Variants in EPG5 observed in about 807,000 individuals in gnomAD.
The protein encoded by EPG5 is ectopic P-granules 5 autophagy tethering factor, also known as ectopic P granules protein 5 homolog.
Under a neutral mutation model 302.7 loss-of-function variants are expected in EPG5, and 159 were observed. The observed-to-expected ratio is 0.53, with a 90% CI of 0.46 to 0.60. EPG5 has a LOEUF of 0.60. EPG5 is among the 20% of genes least tolerant of loss of function. The probability of loss-of-function intolerance (pLI) is 0.00; values close to 1 mark genes in which losing one functional copy is unlikely to be tolerated. For synonymous variants in EPG5, 1,158 were observed against 1,136.8 expected, an observed-to-expected ratio of 1.02 and a Z score of -0.37; for missense variants, 2,896 against 3,092.4, an observed-to-expected ratio of 0.94 and a Z score of 1.51.
At chr18:45,943,139 G>A (rs143118410) in intron 9 of EPG5, 22 bp downstream of exon 9, 9 of 1,611,636 alleles carry the variant, frequency 5.6e-6, no homozygotes, top group African/African-American at 4.0e-5. Context: ...AACAGAGAAG[G>A]GTAGAGCAAC....
the EPG5 span, among the ~76,000 whole-genome samples, chr18:45,829,529 G>T: frequency 2.0e-5 from 3 of 152,174 alleles, no homozygotes; most frequent in Non-Finnish European, 4.4e-5. Context: ...CATACCTACA[G>T]GTGAGGTCGA....
intron 1 of EPG5, among the ~76,000 whole-genome samples, chr18:45,964,022 T>C (rs2051199515): frequency 6.6e-6 from 1 of 152,208 alleles, no homozygotes; most frequent in Non-Finnish European, 1.5e-5. Flanking sequence ...TCAAGGATTT[T>C]TGGTTTGCCC....
intron 9 of EPG5, 111 bp from the exon 10 acceptor site, chr18:45,939,866 T>C: frequency 1.1e-6 from 1 of 948,102 alleles, no homozygotes; most frequent in Non-Finnish European, 1.6e-6. Context: ...GCACCTACTA[T>C]CCACCTACTA....
chr18:45,964,940 C>T (rs1011438427), intron 1 of EPG5, among the ~76,000 whole-genome samples: 1 of 152,080 alleles, frequency 6.6e-6, no homozygotes, highest in African/African-American at 2.4e-5. Context: ...GCAACAAAAG[C>T]GAAACTCTGT....
intron 36 of EPG5, 27 bp from the exon 37 acceptor site, chr18:45,867,775 C>G (rs2048777975): frequency 6.4e-7 from 1 of 1,564,958 alleles, no homozygotes; most frequent in African/African-American, 1.4e-5. Flanking sequence ...TAAAATCATT[C>G]TGTTGCCTTG....
chr18:45,815,559 AAAT>A, the EPG5 span, among the ~76,000 whole-genome samples: 1 of 152,168 alleles, frequency 6.6e-6, no homozygotes, highest in Non-Finnish European at 1.5e-5. Flanking sequence ...AAATAAAATA[AAAT>A]ACTTACGAAT....
At position 45,917,665 on chromosome 18, in the gene EPG5, T is replaced by G. The variant is rs746001421; in HGVS notation, c.3239+14A>C. 6 of 1,613,816 alleles carry G rather than the reference T, an allele frequency of 3.7e-6. No individual in the cohort carries two copies. The South Asian group carries it at 5.5e-5, about 15-fold the overall frequency. ...GTTTAAGAGTGTCTCCTGCCATAGATGGAACACACTTACTGCTCATTCTTC... is the reference window on the plus strand; with the variant it reads ...GTTTAAGAGTGTCTCCTGCCATAGAGGGAACACACTTACTGCTCATTCTTC... On this transcript the variant is annotated intron_variant, in intron 17 of 43. Transcript: ENST00000282041.
chr18:45,867,632 G>A lies in EPG5; in HGVS notation c.6342C>T (p.Arg2114=), dbSNP rs573778145. 1.9e-6 allele frequency: 3 copies of A among 1,614,094 alleles called. No homozygotes were observed. The African/African-American group carries it at 4.0e-5, about 22-fold the overall frequency. ...TGAAAAGGAGGCAGACAATCATGCT[G>A]CGGGTTTCTGGGTGGGGACTGGAAT... The part of the protein sequence containing the change: ...AWNSSPHPET[R]SMIVCLLFMM... The change falls in exon 37 of 44, where the codon CGC becomes CGT. Residue 2114 remains arginine (R), a synonymous_variant. Transcript: ENST00000282041.
intron 25 of EPG5, 137 bp from the exon 26 acceptor site, chr18:45,901,304 G>A (rs1312824355): frequency 4.1e-6 from 3 of 731,262 alleles, no homozygotes; most frequent in Admixed American, 2.9e-5. Context: ...TAAAGCTCAT[G>A]ATCTTAAATT....
chr18:45,917,983 T>C (rs1422808319), intron 16 of EPG5, among the ~76,000 whole-genome samples, 164 bp from the exon 17 acceptor site: 1 of 152,186 alleles, frequency 6.6e-6, no homozygotes, highest in Non-Finnish European at 1.5e-5. Flanking sequence ...AATTCTAGAA[T>C]TGCAAAGAAA....
chr18:45,882,295 T>A lies in EPG5; in HGVS notation c.5497A>T (p.Ile1833Phe). ...LYQFPDQYSD[I>F]LRLLMQSSAE... is the part of the protein sequence containing the mutation. ...TTACTTTGCATAAGCAGCCTGAGAA[T>A]GTCACTGTACTGGTCAGGAAACTGG... The change falls in exon 31 of 44, where the codon ATT (isoleucine) becomes TTT (phenylalanine). Residue 1833 changes from isoleucine to phenylalanine, a missense_variant. Physicochemically the swap from Ile to Phe is conservative, Grantham distance 21. Transcript: ENST00000282041. The A allele has an allele frequency of 6.2e-7, 1 of 1,614,102 alleles. No homozygotes were observed. The highest frequency in any genetic ancestry group is 8.5e-7 in the Non-Finnish European group (1 of 1,179,934).
the EPG5 span, chr18:45,829,220 G>A: frequency 2.7e-5 from 25 of 927,596 alleles, no homozygotes; most frequent in African/African-American, 3.6e-5. Flanking sequence ...GTCAGCCTGC[G>A]GCAGAGGCAT....
chr18:45,944,892 T>C (rs910802527), intron 7 of EPG5, among the ~76,000 whole-genome samples: 6 of 152,218 alleles, frequency 3.9e-5, no homozygotes, highest in African/African-American at 1.2e-4. Context: ...TAAAGTTCTG[T>C]TGTCAATTAC....
Position 45,915,635 on chromosome 18 carries a change from T to A in EPG5, c.3583-14A>T. 6.2e-7 allele frequency: 1 copy of A among 1,600,342 alleles called. No individual in the cohort carries two copies. On this transcript the variant is annotated splice_polypyrimidine_tract_variant and intron_variant, in intron 19 of 43. Transcript: ENST00000282041. ...ACCCAAGGCATTCTACACCGGGAGA[T>A]GTGGAGCAGAGAGAGGAGGTTTTAA...
At chr18:45,964,157 A>C (rs371483411) in intron 1 of EPG5, among the ~76,000 whole-genome samples, 10 of 152,358 alleles carry the variant, frequency 6.6e-5, no homozygotes, top group African/African-American at 2.2e-4. Context: ...GATGGATCTA[A>C]AAGCTTAAGA....
the EPG5 span, among the ~76,000 whole-genome samples, chr18:45,809,039 GAA>G: frequency 6.6e-6 from 1 of 152,080 alleles, no homozygotes; most frequent in Admixed American, 6.5e-5. Context: ...TAAAGGGGTG[GAA>G]AAAGACATTT....
chr18:45,829,027 G>A, the EPG5 span: 1 of 924,604 alleles, frequency 1.1e-6, no homozygotes, highest in Non-Finnish European at 1.3e-6. Flanking sequence ...GCGGGAAGGG[G>A]AGGAGTGAAG....
intron 9 of EPG5, 63 bp downstream of exon 9, chr18:45,943,098 T>C (rs2050705910): frequency 2.0e-6 from 3 of 1,492,808 alleles, no homozygotes; most frequent in South Asian, 1.3e-5. Context: ...ATCCCAATTA[T>C]GCAGTATCTG....
At position 45,912,381 on chromosome 18, in the gene EPG5, C is replaced by G; in HGVS notation, c.3892G>C (p.Ala1298Pro). 1 of 1,611,222 alleles carries G rather than the reference C, an allele frequency of 6.2e-7. No homozygotes were observed. The highest frequency in any genetic ancestry group is 8.5e-7 in the Non-Finnish European group (1 of 1,179,028). Residue 1298 changes from alanine to proline, a missense_variant, in exon 22 of 44, where the codon GCT (alanine) becomes CCT (proline). Physicochemically the swap from Ala to Pro is conservative, Grantham distance 27. Coordinates refer to ENST00000282041, the MANE Select transcript of EPG5 (RefSeq NM_020964.3). Reference sequence around the variant, plus strand: ...GGGTGATCAGAAGGTGTGACCAGAGCCTGGTGGGCCCAGCGATAAATCAGC... The same window carrying G: ...GGGTGATCAGAAGGTGTGACCAGAGGCTGGTGGGCCCAGCGATAAATCAGC... The part of the protein sequence containing the change: ...RLLIYRWAHQ[A>P]LVTPSDHPLL...
Sources: gnomAD v4.1 joint callset for allele counts (sites outside exome capture counted in the v4.1 genomes callset) on GRCh38, gnomAD v4.1.1 for gene constraint, MANE v1.5 for transcripts, NCBI Gene and HGNC (gene_info 2026-07-23, HGNC 2026-07-21) for gene names.